VWF: variants seen among roughly 807,000 people sequenced by gnomAD.
VWF encodes Factor VIII related antigen.
In VWF, 176 loss-of-function variants were observed where a neutral mutation model predicts 308.6. The ratio of observed to expected loss-of-function variants is 0.57; its 90% confidence interval spans 0.50 to 0.65. The LOEUF is 0.65. VWF is among the 30% of genes least tolerant of loss of function. The pLI is 0.00. For missense variants in VWF, 3,146 were observed against 3,648.2 expected (o/e 0.86, Z 3.55); for synonymous variants, 1,385 against 1,443.4 (o/e 0.96, Z 0.92).
rs764126736 is a variant in VWF at position 6,029,490 on chromosome 12, T to C, written c.2821-2A>G. The C allele has an allele frequency of 2.5e-6, 4 of 1,614,046 alleles. No individual in the cohort carries two copies. Among genetic ancestry groups the C allele is most frequent in the South Asian group, 2.2e-5 (2 of 91,078 alleles). ...CTTCATGGGCCTCTTCACATTCACC[T>C]GGAGGAAGACAAAGCAAGAAATCCA... On this transcript the variant is annotated splice_acceptor_variant, in intron 21 of 51. Transcript: ENST00000261405. LOFTEE classifies it high-confidence loss of function.
intron 34 of VWF, among the ~76,000 whole-genome samples, chr12:6,003,940 C>T (rs929008745): frequency 2.0e-5 from 3 of 151,690 alleles, no homozygotes; most frequent in Non-Finnish European, 4.4e-5. Context: ...CTCAGCCTCC[C>T]GAGTAACTGG....
chr12:6,031,421 G>C (rs1166408520), intron 21 of VWF, 23 bp downstream of exon 21: 2 of 1,613,982 alleles, frequency 1.2e-6, no homozygotes, highest in East Asian at 4.5e-5. Flanking sequence ...GGGACATGAG[G>C]GTGGAGATGA....
At chr12:6,012,937 A>G (rs216306) in intron 32 of VWF, among the ~76,000 whole-genome samples, 82,066 of 151,668 alleles carry the variant, frequency 0.54, 22,317 homozygotes, top group Middle Eastern at 0.7. Context: ...TCCTGACCTC[A>G]TGATCCGCCC....
chr12:5,951,985 G>C, intron 49 of VWF, 102 bp from the exon 50 acceptor site: 1 of 1,138,826 alleles, frequency 8.8e-7, no homozygotes, highest in South Asian at 1.2e-5. Flanking sequence ...ACAGCCCTGT[G>C]CTTAAGTGCC....
Position 6,034,825 on chromosome 12 carries a change from C to T in VWF, c.2548G>A (p.Val850Ile). Residue 850 changes from valine (V) to isoleucine (I), a missense_variant and splice_region_variant, in exon 20 of 52, where the codon GTC becomes ATC. Physicochemically the swap from Val to Ile is conservative, Grantham distance 29 (BLOSUM62 3). Coordinates refer to ENST00000261405, the MANE Select transcript of VWF (RefSeq NM_000552.5). Reference protein sequence around the residue: ...ETVKIGCNTCVCQDRKWNCTD... With the variant: ...ETVKIGCNTCICQDRKWNCTD... ...CAGTTCCACTTCCGGTCCTGACAGA[C>T]ACTAGGAGCAGTCATGGCAGAGATG... The T allele has an allele frequency of 1.2e-6, 2 of 1,614,114 alleles. No homozygotes were observed. Among genetic ancestry groups the T allele is most frequent in the South Asian group, 1.1e-5 (1 of 91,084 alleles).
chr12:6,013,196 C>T (rs1944017583), intron 32 of VWF, among the ~76,000 whole-genome samples: 1 of 152,100 alleles, frequency 6.6e-6, no homozygotes, highest in Non-Finnish European at 1.5e-5. Context: ...GTCCAAGATC[C>T]CTCTACACAA....
intron 18 of VWF, among the ~76,000 whole-genome samples, chr12:6,042,797 G>A (rs1944409576): frequency 6.6e-6 from 1 of 152,168 alleles, no homozygotes; most frequent in Admixed American, 6.5e-5. Flanking sequence ...TAATATTTAA[G>A]GCTATCTGTA....
rs763654700 is a variant in VWF at position 5,976,067 on chromosome 12, C to G, written c.7437+44G>C. 1.1e-5 allele frequency: 18 copies of G among 1,612,542 alleles called. No homozygotes were observed. In the South Asian group the frequency reaches 2.0e-4, roughly 18 times the overall value. ...TCCTAAGATGCCCTCCTCTACTTTC[C>G]CGCTCTGATAGCTGCAGGCATGCCC... On this transcript the variant is annotated intron_variant, in intron 43 of 51. Coordinates refer to ENST00000261405, the MANE Select transcript of VWF (RefSeq NM_000552.5).
At chr12:6,113,458 C>T (rs1323581224) in intron 3 of VWF, among the ~76,000 whole-genome samples, 6 of 152,052 alleles carry the variant, frequency 3.9e-5, no homozygotes, top group Non-Finnish European at 8.8e-5. Flanking sequence ...CCACCATGCC[C>T]AGCTAATTTG....
chr12:6,018,523 G>T lies in VWF; in HGVS notation c.4895C>A (p.Pro1632His), dbSNP rs1390243433. The T allele has an allele frequency of 6.2e-7, 1 of 1,613,956 alleles. No individual in the cohort carries two copies. Among genetic ancestry groups the T allele is most frequent in the Non-Finnish European group, 8.5e-7 (1 of 1,179,910 alleles). Residue 1632 changes from proline to histidine, a missense_variant, in exon 28 of 52, where the codon CCT becomes CAT. Transcript: ENST00000261405. The part of the protein sequence containing the change: ...DIQVVPIGVG[P>H]NANVQELERI... ...CTCCAGCTCCTGCACGTTGGCATTA[G>T]GGCCCACTCCAATGGGCACCACCTG... is the stretch of plus-strand genomic sequence containing the variant.
chr12:5,977,968 T>C (rs1050413072), intron 42 of VWF, among the ~76,000 whole-genome samples: 1 of 148,920 alleles, frequency 6.7e-6, no homozygotes, highest in African/African-American at 2.4e-5. Flanking sequence ...GTAAGACTCC[T>C]GGGAATATGT....
intron 49 of VWF, 151 bp from the exon 50 acceptor site, chr12:5,952,034 G>A (rs1176151581): frequency 3.7e-6 from 3 of 810,128 alleles, no homozygotes; most frequent in Non-Finnish European, 6.3e-6. Flanking sequence ...AATGTGAGCA[G>A]CTTGACCACC....
intron 47 of VWF, among the ~76,000 whole-genome samples, chr12:5,959,316 T>C (rs955082034): frequency 2.6e-5 from 4 of 152,144 alleles, no homozygotes; most frequent in Admixed American, 2.0e-4. Flanking sequence ...AACTTCATAA[T>C]ATATGAAGCA....
intron 5 of VWF, chr12:6,095,968 G>A (rs1451719252): frequency 5.8e-6 from 2 of 345,952 alleles, no homozygotes; most frequent in African/African-American, 4.3e-5. Context: ...CACCACACCA[G>A]GCTCTAGGTC....
In VWF at chr12:5,963,900, T is replaced by C. The variant is rs577031045; in HGVS notation, c.7887+3586A>G. On this transcript the variant is annotated intron_variant, in intron 47 of 51. Coordinates refer to ENST00000261405, the MANE Select transcript of VWF (RefSeq NM_000552.5). The stretch of plus-strand genomic sequence containing the variant: ...TGCAAAGTAAGAGTGTTTTAAACAA[T>C]TTTAATAAAATAAAAACCAAAAAGC... 3.9e-5 allele frequency among the ~76,000 whole-genome samples: 6 copies of C among 152,266 alleles called. No homozygotes were observed. In the East Asian group the frequency reaches 1.2e-3, roughly 29 times the overall value.
intron 50 of VWF, among the ~76,000 whole-genome samples, 184 bp downstream of exon 50, chr12:5,951,660 A>C (rs1193880873): frequency 6.6e-6 from 1 of 152,176 alleles, no homozygotes; most frequent in Non-Finnish European, 1.5e-5. Flanking sequence ...CAAGGAGGGG[A>C]GGCTGCTCCC....
At position 6,044,374 on chromosome 12, in the gene VWF, C is replaced by A; in HGVS notation, c.2359G>T (p.Glu787Ter). ...PADNLRAEGL[E>*]CTKTCQNYDL... The stretch of plus-strand genomic sequence containing the variant: ...TAGTTCTGGCACGTTTTGGTACACT[C>A]GAGCCCTTCAGCCCGCAGGTTGTCA... Residue 787 changes from glutamate to a stop codon, truncating the protein, a stop_gained, in exon 18 of 52, where the codon GAG becomes TAG. Transcript: ENST00000261405. LOFTEE classifies it high-confidence loss of function. 3 of 1,614,168 alleles carry A rather than the reference C, an allele frequency of 1.9e-6. No individual in the cohort carries two copies. The highest frequency in any genetic ancestry group is 2.5e-6 in the Non-Finnish European group (3 of 1,180,016).
intron 42 of VWF, among the ~76,000 whole-genome samples, chr12:5,977,841 G>A (rs1426688665): frequency 6.6e-6 from 1 of 150,486 alleles, no homozygotes; most frequent in East Asian, 1.9e-4. Context: ...CTGCACTTGT[G>A]CCTGGGTGAC....
intron 40 of VWF, 148 bp downstream of exon 40, chr12:5,984,897 C>T (rs979680931): frequency 1.3e-6 from 1 of 787,488 alleles, no homozygotes; most frequent in East Asian, 2.5e-5. Context: ...TAACCCTTTC[C>T]ACTTTTTTGG....
Sources: allele counts gnomAD v4.1 joint callset (sites outside exome capture counted in the v4.1 genomes callset), GRCh38; gene constraint gnomAD v4.1.1; transcripts MANE v1.5; gene names NCBI Gene and HGNC (gene_info 2026-07-23, HGNC 2026-07-21).